The following SPIDR variants were observed in gnomAD, a reference collection of about 807,000 sequenced individuals.
The protein encoded by SPIDR is DNA repair-scaffolding protein.
A neutral mutation model predicts 104.6 loss-of-function variants in SPIDR; 93 were observed. The ratio of observed to expected loss-of-function variants is 0.89; its 90% CI spans 0.75 to 1.06. The LOEUF is 1.06. Among genes scored for constraint, SPIDR ranks in the 50% least tolerant of loss-of-function variants. SPIDR has a pLI of 0.00. For synonymous variants in SPIDR, 431 were observed against 416.9 expected, an observed-to-expected ratio of 1.03 and a Z score of -0.41; for missense variants, 1,154 against 1,111.2, an observed-to-expected ratio of 1.04 and a Z score of -0.55.
At chr8:47,582,220 CA>C (rs5891245) in intron 8 of SPIDR, among the ~76,000 whole-genome samples, 2 of 142,730 alleles carry the variant, frequency 1.4e-5, no homozygotes, top group Admixed American at 7.0e-5. Context: ...GACTCCATCT[CA>C]AAAAAAAAAA....
chr8:47,528,828 G>A (rs989571858), intron 8 of SPIDR, among the ~76,000 whole-genome samples: 2 of 151,998 alleles, frequency 1.3e-5, no homozygotes, highest in African/African-American at 4.8e-5. Context: ...CAAAGGGTAT[G>A]GCATATGTGT....
intron 5 of SPIDR, among the ~76,000 whole-genome samples, chr8:47,323,288 G>A (rs2154263760): frequency 6.6e-6 from 1 of 152,200 alleles, no homozygotes; most frequent in Non-Finnish European, 1.5e-5. Flanking sequence ...AGGGAACATA[G>A]ACCTGTGTTA....
At position 47,685,016 on chromosome 8, in the gene SPIDR, C is replaced by T. The variant is rs1278486024; in HGVS notation, c.1685+11075C>T. On this transcript the variant is annotated intron_variant, in intron 11 of 19. Transcript: ENST00000297423. ...GGTGGATCACCTGAGGTCAGAGGTT[C>T]GAGACCAGCCTGGCCAACATGGTGA... Among the ~76,000 whole-genome samples the T allele has an allele frequency of 3.9e-5, 6 of 152,116 alleles. No individual in the cohort carries two copies. In the East Asian group the frequency reaches 7.7e-4, roughly 20 times the overall value.
chr8:47,433,276 C>T (rs894484666), intron 7 of SPIDR, among the ~76,000 whole-genome samples: 1 of 152,200 alleles, frequency 6.6e-6, no homozygotes, highest in Non-Finnish European at 1.5e-5. Context: ...GCTGCAGACC[C>T]TCCTAACTAG....
intron 11 of SPIDR, among the ~76,000 whole-genome samples, chr8:47,700,171 A>C (rs1190495066): frequency 6.6e-6 from 1 of 152,146 alleles, no homozygotes; most frequent in Admixed American, 6.5e-5. Flanking sequence ...ATACTATTTC[A>C]CTGTGTGGAT....
At chr8:47,521,433 T>G (rs1387115860) in intron 8 of SPIDR, among the ~76,000 whole-genome samples, 1 of 151,906 alleles carries the variant, frequency 6.6e-6, no homozygotes. Flanking sequence ...TGTTGTGATT[T>G]TTTTTTCTTT....
intron 8 of SPIDR, among the ~76,000 whole-genome samples, chr8:47,518,212 C>T (rs1333051782): frequency 6.6e-6 from 1 of 152,212 alleles, no homozygotes; most frequent in Non-Finnish European, 1.5e-5. Context: ...ACTTTCACCT[C>T]ATGCTAGACA....
At chr8:47,708,454 A>G (rs1430060905) in intron 14 of SPIDR, among the ~76,000 whole-genome samples, 1 of 152,202 alleles carries the variant, frequency 6.6e-6, no homozygotes, top group Non-Finnish European at 1.5e-5. Flanking sequence ...ACACATGCAC[A>G]GCCTCCCCAT....
chr8:47,400,265 G>A (rs917894308), intron 6 of SPIDR, among the ~76,000 whole-genome samples: 2 of 152,234 alleles, frequency 1.3e-5, no homozygotes, highest in African/African-American at 4.8e-5. Flanking sequence ...AACAGAAGGT[G>A]GAGGGGACGT....
chr8:47,282,452 C>T (rs2037980913), intron 2 of SPIDR, among the ~76,000 whole-genome samples: 1 of 152,216 alleles, frequency 6.6e-6, no homozygotes, highest in African/African-American at 2.4e-5. Flanking sequence ...TGGATCACTT[C>T]CTGCATTACC....
chr8:47,702,708 A>G (rs1391808702), intron 14 of SPIDR, among the ~76,000 whole-genome samples: 2 of 152,216 alleles, frequency 1.3e-5, no homozygotes, highest in African/African-American at 4.8e-5. Flanking sequence ...GATTGAGAAC[A>G]TCCTGTTTGT....
At chr8:47,511,099 GC>G (rs2082248737) in intron 8 of SPIDR, 1 of 1,380,684 alleles carries the variant, frequency 7.2e-7, no homozygotes, top group Non-Finnish European at 1.0e-6. Flanking sequence ...GCTCTCGTCA[GC>G]CAGCTCTTTG....
At chr8:47,482,564 G>A (rs919696193) in intron 8 of SPIDR, among the ~76,000 whole-genome samples, 2 of 152,214 alleles carry the variant, frequency 1.3e-5, no homozygotes, top group Non-Finnish European at 2.9e-5. Context: ...AGGTGCTGGG[G>A]CACAGATCTT....
intron 1 of SPIDR, among the ~76,000 whole-genome samples, chr8:47,278,112 T>TTTATTAA (rs2036942214): frequency 6.6e-6 from 1 of 151,554 alleles, no homozygotes; most frequent in Non-Finnish European, 1.5e-5. Context: ...TTTTTTTTTT[T>TTTATTAA]TATTAATAGC....
At chr8:47,585,851 A>C (rs1310705127) in intron 8 of SPIDR, among the ~76,000 whole-genome samples, 1 of 152,118 alleles carries the variant, frequency 6.6e-6, no homozygotes, top group Non-Finnish European at 1.5e-5. Context: ...GGATTAATCC[A>C]TTCATGAGAG....
At chr8:47,554,078 C>T (rs1381169159) in intron 8 of SPIDR, among the ~76,000 whole-genome samples, 2 of 152,124 alleles carry the variant, frequency 1.3e-5, no homozygotes, top group African/African-American at 4.8e-5. Flanking sequence ...TACTGCAGAA[C>T]GGCAAATGTT....
chr8:47,327,968 G>A (rs2047974395), intron 5 of SPIDR, among the ~76,000 whole-genome samples: 2 of 150,374 alleles, frequency 1.3e-5, no homozygotes, highest in African/African-American at 4.9e-5. Flanking sequence ...AAAGTGCTGG[G>A]ATTACAGGCA....
intron 7 of SPIDR, among the ~76,000 whole-genome samples, chr8:47,416,910 GTGA>G (rs36189019): frequency 0.48 from 73,191 of 151,342 alleles, 21,704 homozygotes; most frequent in Non-Finnish European, 0.66. Context: ...TTTGCTGAGA[GTGA>G]TGGTTTCCAG....
At chr8:47,448,021 TAAC>T (rs1217412289) in intron 8 of SPIDR, among the ~76,000 whole-genome samples, 1 of 152,252 alleles carries the variant, frequency 6.6e-6, no homozygotes, top group African/African-American at 2.4e-5. Flanking sequence ...ATTGTGATAA[TAAC>T]TTTATTGGAG....
Sources: allele counts gnomAD v4.1 joint callset (sites outside exome capture counted in the v4.1 genomes callset), GRCh38; gene constraint gnomAD v4.1.1; transcripts MANE v1.5; gene names NCBI Gene and HGNC (gene_info 2026-07-23, HGNC 2026-07-21).